MTMR10: variants seen among roughly 807,000 people sequenced by gnomAD.
The protein encoded by MTMR10 is myotubularin-related protein 10.
Under a neutral mutation model 88.1 loss-of-function variants are expected in MTMR10, and 56 were observed. The ratio of observed to expected loss-of-function variants is 0.64; its 90% CI spans 0.51 to 0.79. MTMR10 has a LOEUF of 0.79. Ranked by LOEUF, MTMR10 falls within the 30% of genes least tolerant of loss-of-function variation. MTMR10 has a pLI of 0.00. For missense variants in MTMR10, 883 were observed against 924.7 expected (o/e 0.95, Z 0.58); for synonymous variants, 380 against 340.9 (o/e 1.11, Z -1.26).
intron 6 of MTMR10, among the ~76,000 whole-genome samples, chr15:30,967,248 T>C (rs1192133434): frequency 2.0e-5 from 3 of 152,202 alleles, no homozygotes; most frequent in African/African-American, 7.2e-5. Context: ...TGTTTTTCTC[T>C]ATCAAGATAT....
chr15:30,960,835 G>A (rs1196168223), intron 7 of MTMR10, 46 bp downstream of exon 7: 1 of 1,467,056 alleles, frequency 6.8e-7, no homozygotes, highest in African/African-American at 1.4e-5. Context: ...TTATTCATAG[G>A]GAAGTGACTT....
intron 9 of MTMR10, among the ~76,000 whole-genome samples, chr15:30,957,943 G>T (rs1239173208): frequency 6.6e-6 from 1 of 152,198 alleles, no homozygotes; most frequent in Non-Finnish European, 1.5e-5. Flanking sequence ...GGGTTTGCAA[G>T]GTGTCTGAAA....
chr15:30,958,823 G>A, intron 9 of MTMR10, 40 bp downstream of exon 9: 1 of 1,594,978 alleles, frequency 6.3e-7, no homozygotes, highest in Non-Finnish European at 8.6e-7. Flanking sequence ...TACACAACAA[G>A]TAAAACTATC....
At chr15:30,991,360 TG>T in intron 1 of MTMR10, 86 bp downstream of exon 1, 1 of 1,298,982 alleles carries the variant, frequency 7.7e-7, no homozygotes, top group Non-Finnish European at 1.0e-6. Flanking sequence ...CGCAGCCTCC[TG>T]GGGTCCTCCA....
At chr15:30,968,534 A>AAC (rs61503155) in intron 5 of MTMR10, among the ~76,000 whole-genome samples, 22,590 of 142,746 alleles carry the variant, frequency 0.16, 1,782 homozygotes, top group Non-Finnish European at 0.18. Context: ...TCAAAAAAAC[A>AAC]ACACACACAC....
At chr15:30,968,534 A>AACACACACACACACACACACACAC (rs61503155) in intron 5 of MTMR10, among the ~76,000 whole-genome samples, 49 of 143,168 alleles carry the variant, frequency 3.4e-4, no homozygotes, top group African/African-American at 1.2e-3. Flanking sequence ...TCAAAAAAAC[A>AACACACACACACACACACACACAC]ACACACACAC....
chr15:30,960,857 T>C (rs2063392239), intron 7 of MTMR10, 24 bp downstream of exon 7: 1 of 1,559,026 alleles, frequency 6.4e-7, no homozygotes, highest in Non-Finnish European at 8.7e-7. Context: ...CAGCCATATA[T>C]AACATTGCTA....
At chr15:30,919,762 T>C in the MTMR10 span, among the ~76,000 whole-genome samples, 29 of 151,058 alleles carry the variant, frequency 1.9e-4, no homozygotes, top group Non-Finnish European at 3.2e-4. Flanking sequence ...TGGAAGTGGA[T>C]CATCATGAAG....
At chr15:30,951,942 G>T in intron 12 of MTMR10, 26 bp downstream of exon 12, 2 of 1,592,366 alleles carry the variant, frequency 1.3e-6, no homozygotes, top group East Asian at 2.2e-5. Flanking sequence ...GGTGGTCATG[G>T]TGCTTTCAGG....
At chr15:30,934,266 C>A (rs2062794031), downstream of MTMR10, among the ~76,000 whole-genome samples, 1 of 151,990 alleles carries the variant, frequency 6.6e-6, no homozygotes, top group Non-Finnish European at 1.5e-5. Context: ...TTAATGTTAA[C>A]ATGATACATT....
rs1214352427 is a variant in MTMR10, at chr15:30,939,654, G to C, written c.*1816C>G. 4.3e-6 allele frequency: 1 copy of C among 234,318 alleles called. No individual in the cohort carries two copies. Among genetic ancestry groups the C allele is most frequent in the Non-Finnish European group, 5.2e-6 (1 of 190,840 alleles). The allele number at this position is 234,318 out of a possible 1,614,324, so 14.5% of individuals were successfully genotyped here. A position where few individuals can be genotyped will look rare whatever the true frequency, so the allele number is the denominator to read the frequency against. ...TTAACAACAATAAAATACTACAAGA[G>C]TTAAAATAAACGTGAAGGAAGAAAA... On this transcript the variant is annotated 3_prime_UTR_variant, in exon 16 of 16. Coordinates refer to ENST00000435680, the MANE Select transcript of MTMR10 (RefSeq NM_017762.3).
At chr15:30,943,516 A>G in intron 14 of MTMR10, 1 of 985,462 alleles carries the variant, frequency 1.0e-6, no homozygotes, top group Middle Eastern at 5.2e-4. Flanking sequence ...CCAATTTTAT[A>G]ACTTACTTCG....
chr15:30,940,270 G>A lies in MTMR10; in HGVS notation c.*1200C>T, dbSNP rs1053437667. On this transcript the variant is annotated 3_prime_UTR_variant, in exon 16 of 16. Coordinates refer to ENST00000435680, the MANE Select transcript of MTMR10 (RefSeq NM_017762.3). ...TAGGTAGGCTCTTGTCACACAGTTT[G>A]GAAATACTTTACTTTAGAGAGATTC... The A allele has an allele frequency of 4.1e-6, 4 of 971,898 alleles. No individual in the cohort carries two copies. Among genetic ancestry groups the A allele is most frequent in the Non-Finnish European group, 4.9e-6 (4 of 822,240 alleles). 60.2% of individuals were successfully genotyped at this position (971,898 alleles called of 1,614,324 possible). A position where few individuals can be genotyped will look rare whatever the true frequency, so the allele number is the denominator to read the frequency against.
At chr15:30,930,708 C>G in the MTMR10 span, 1 of 1,607,294 alleles carries the variant, frequency 6.2e-7, no homozygotes, top group Non-Finnish European at 8.5e-7. Context: ...TGTTGGTAAC[C>G]TTATTAGCAA....
chr15:30,972,098 G>T (rs1311545305), intron 5 of MTMR10, among the ~76,000 whole-genome samples: 1 of 152,092 alleles, frequency 6.6e-6, no homozygotes, highest in Non-Finnish European at 1.5e-5. Context: ...CTCCAAACAT[G>T]CATTTCATCA....
intron 14 of MTMR10, chr15:30,946,663 A>G (rs1247885077): frequency 1.2e-5 from 8 of 691,594 alleles, no homozygotes; most frequent in African/African-American, 8.8e-5. Flanking sequence ...AATGGTTTCA[A>G]GTTTGGCTTG....
chr15:30,929,697 ATATAT>A, the MTMR10 span, among the ~76,000 whole-genome samples: 26 of 62,382 alleles, frequency 4.2e-4, no homozygotes, highest in South Asian at 5.7e-3. Flanking sequence ...TATATAAAAT[ATATAT>A]TATATCATAT....
chr15:30,922,317 C>T, the MTMR10 span: 5 of 1,613,900 alleles, frequency 3.1e-6, no homozygotes, highest in Non-Finnish European at 3.4e-6. Context: ...GATCGACTGG[C>T]CCTTAATTTA....
intron 14 of MTMR10, chr15:30,943,733 CA>C: frequency 1.0e-6 from 1 of 985,468 alleles, no homozygotes; most frequent in Non-Finnish European, 1.2e-6. Flanking sequence ...CTTCCCACCA[CA>C]GTAAACTGAG....
Sources: gnomAD v4.1 joint callset for allele counts (sites outside exome capture counted in the v4.1 genomes callset) on GRCh38, gnomAD v4.1.1 for gene constraint, MANE v1.5 for transcripts, NCBI Gene and HGNC (gene_info 2026-07-23, HGNC 2026-07-21) for gene names.